Variants in SPTB observed in about 807,000 individuals in gnomAD.
SPTB encodes spectrin beta chain, erythrocytic.
Under a neutral mutation model 256.2 loss-of-function variants are expected in SPTB, and 45 were observed. The ratio of observed to expected loss-of-function variants is 0.18; its 90% CI spans 0.14 to 0.23. The LOEUF is 0.23. Among genes scored for constraint, SPTB ranks in the 10% least tolerant of loss-of-function variants. The probability of loss-of-function intolerance (pLI) is 1.00; values close to 1 mark genes in which losing one functional copy is unlikely to be tolerated. For missense variants in SPTB, 2,715 were observed against 3,040.4 expected (o/e 0.89, Z 2.52); for synonymous variants, 1,231 against 1,243.1 (o/e 0.99, Z 0.21).
intron 1 of SPTB, among the ~76,000 whole-genome samples, chr14:64,839,008 C>G (rs1030940232): frequency 3.3e-5 from 5 of 152,140 alleles, no homozygotes; most frequent in South Asian, 4.1e-4. Flanking sequence ...TGGCGGGTGC[C>G]TGTAATCCTA....
intron 28 of SPTB, 75 bp downstream of exon 28, chr14:64,769,515 T>C: frequency 6.3e-7 from 1 of 1,589,392 alleles, no homozygotes. Context: ...CTCATCTCCC[T>C]CCCAGGAGGC....
intron 33 of SPTB, chr14:64,752,329 G>A (rs1216660828): frequency 1.7e-6 from 2 of 1,162,024 alleles, no homozygotes; most frequent in African/African-American, 3.2e-5. Context: ...TTGAGGGCAG[G>A]AAGGTGGAGA....
chr14:64,834,070 A>C (rs2083486293), intron 1 of SPTB, among the ~76,000 whole-genome samples: 1 of 152,156 alleles, frequency 6.6e-6, no homozygotes, highest in Non-Finnish European at 1.5e-5. Context: ...TCTGTCACCC[A>C]GGCTGGAGTG....
rs1169771049 is a variant in SPTB at position 64,795,768 on chromosome 14, T to C, written c.1342-129A>G. 3 of 983,688 alleles carry C rather than the reference T, an allele frequency of 3.0e-6. No individual in the cohort carries two copies. The highest frequency in any genetic ancestry group is 4.7e-6 in the Non-Finnish European group (3 of 644,054). 60.9% of individuals were successfully genotyped at this position (983,688 alleles called of 1,614,324 possible). A position where few individuals can be genotyped will look rare whatever the true frequency, so the allele number is the denominator to read the frequency against. ...AAGCACATTCCCAAGAAGCAGCTAG[T>C]TCTGCCTTACTTTTGCAGCCTGTCT... On this transcript the variant is annotated intron_variant, in intron 11 of 35. Coordinates refer to ENST00000644917, the MANE Select transcript of SPTB (RefSeq NM_001355436.2). The surrounding 1 kb of genome is among the most constrained non-coding windows in gnomAD (Gnocchi z 6.5).
chr14:64,749,212 G>A lies in SPTB; in HGVS notation c.*94C>T. ...CCCGGCCCGCGACTCGACTCATCTC[G>A]ATTCGACCGGCGGGCGGCGGCGAGA... On this transcript the variant is annotated 3_prime_UTR_variant, in exon 36 of 36. Coordinates refer to ENST00000644917, the MANE Select transcript of SPTB (RefSeq NM_001355436.2). The surrounding 1 kb of genome is among the most constrained non-coding windows in gnomAD (Gnocchi z 4.7). 3 of 1,460,692 alleles carry A rather than the reference G, an allele frequency of 2.1e-6. No homozygotes were observed. The highest frequency in any genetic ancestry group is 2.8e-6 in the Non-Finnish European group (3 of 1,082,698). The allele number at this position is 1,460,692 out of a possible 1,614,324, so 90.5% of individuals were successfully genotyped here. A position where few individuals can be genotyped will look rare whatever the true frequency, so the allele number is the denominator to read the frequency against.
chr14:64,765,041 T>TGTGC (rs570414192), intron 32 of SPTB, among the ~76,000 whole-genome samples: 247 of 116,996 alleles, frequency 2.1e-3, no homozygotes, highest in East Asian at 0.02. Context: ...TGTGTGTGTG[T>TGTGC]GCGCGCGCGC....
In SPTB at chr14:64,800,844, T is replaced by C. The variant is rs2082871110; in HGVS notation, c.788A>G (p.Glu263Gly). 3.1e-6 allele frequency: 5 copies of C among 1,614,050 alleles called. No individual in the cohort carries two copies. Among genetic ancestry groups the C allele is most frequent in the Non-Finnish European group, 4.2e-6 (5 of 1,180,032 alleles). ...CACCACATAGGTGATGATGGATTTC[T>C]CATCAGGGTTTTCCGTAAAGACATC... Reference protein sequence around the residue: ...PEDVFTENPDEKSIITYVVAF... With the variant: ...PEDVFTENPDGKSIITYVVAF... The change falls in exon 8 of 36, where the codon GAG becomes GGG. Residue 263 changes from glutamate (E) to glycine (G), a missense_variant. By Grantham distance (98) the Glu-to-Gly change is moderately conservative (BLOSUM62 -2). This residue lies in a region of SPTB where 416 missense variants were observed against 571.1 expected (regional missense o/e 0.73). Coordinates refer to ENST00000644917, the MANE Select transcript of SPTB (RefSeq NM_001355436.2).
chr14:64,820,547 T>C (rs142192952), intron 2 of SPTB, among the ~76,000 whole-genome samples: 70 of 152,266 alleles, frequency 4.6e-4, no homozygotes, highest in Non-Finnish European at 8.2e-4. Context: ...TACAATTCTA[T>C]GCTCTGTGGC....
chr14:64,800,716 CAG>C (rs2082867421), intron 8 of SPTB, 38 bp downstream of exon 8: 5 of 1,563,750 alleles, frequency 3.2e-6, no homozygotes, highest in African/African-American at 1.4e-5. Context: ...ACCTGACAAA[CAG>C]GGGAAGAGTG....
chr14:64,750,247 A>C, intron 33 of SPTB, 93 bp from the exon 34 acceptor site: 3 of 1,289,052 alleles, frequency 2.3e-6, no homozygotes, highest in Non-Finnish European at 3.2e-6. Context: ...AAATTACACC[A>C]TGTTTGTTCT....
At chr14:64,794,725 A>C in intron 12 of SPTB, 108 bp from the exon 13 acceptor site, 1 of 1,398,158 alleles carries the variant, frequency 7.2e-7, no homozygotes, top group Non-Finnish European at 1.0e-6. Context: ...AGCAAGGGTG[A>C]GCCAAATGCA....
In SPTB at chr14:64,825,043, C is replaced by T. The variant is rs138439302; in HGVS notation, c.-51-1898G>A. 1.8e-3 allele frequency among the ~76,000 whole-genome samples: 277 copies of T among 152,026 alleles called. No homozygotes were observed. Among genetic ancestry groups the T allele is most frequent in the African/African-American group, 5.5e-3 (227 of 41,458 alleles). ...GCGCAGTTTATCCCCCTTGACCAGA[C>T]GGGTTTCAGGAGGGCAGGTGGGGAA... On this transcript the variant is annotated intron_variant, in intron 1 of 35. Transcript: ENST00000644917. The surrounding 1 kb of genome is among the most constrained non-coding windows in gnomAD (Gnocchi z 4.8).
intron 32 of SPTB, chr14:64,754,142 C>T: frequency 2.4e-6 from 1 of 416,782 alleles, no homozygotes; most frequent in South Asian, 2.3e-5. Context: ...GGGCAGGTTC[C>T]AATGCTGCTG....
At chr14:64,856,027 C>T (rs1272448532) in intron 1 of SPTB, among the ~76,000 whole-genome samples, 3 of 152,236 alleles carry the variant, frequency 2.0e-5, no homozygotes, top group African/African-American at 7.2e-5. Flanking sequence ...ATGGCAAGGA[C>T]ACACACAGCC....
chr14:64,799,690 T>C (rs375838340), intron 9 of SPTB, 57 bp downstream of exon 9: 6 of 1,602,086 alleles, frequency 3.7e-6, no homozygotes, highest in Admixed American at 1.7e-5. Context: ...GCTCTACCTT[T>C]TGGTGGTCAG....
At chr14:64,871,321 C>A (rs1356875878) in intron 1 of SPTB, among the ~76,000 whole-genome samples, 1 of 151,958 alleles carries the variant, frequency 6.6e-6, no homozygotes, top group Non-Finnish European at 1.5e-5. Flanking sequence ...AGTGGACAAA[C>A]TTAGTTTAAG....
rs2083196996 is a variant in SPTB, at chr14:64,816,712, C to A, written c.148+6235G>T. Among the ~76,000 whole-genome samples the A allele has an allele frequency of 6.6e-6, 1 of 152,188 alleles. No homozygotes were observed. The highest frequency in any genetic ancestry group is 2.1e-4 in the South Asian group (1 of 4,832). On this transcript the variant is annotated intron_variant, in intron 2 of 35. Coordinates refer to ENST00000644917, the MANE Select transcript of SPTB (RefSeq NM_001355436.2). This position sits in a 1 kb window ranked among gnomAD's most constrained non-coding sequence, Gnocchi z 4.2. The stretch of plus-strand genomic sequence containing the variant: ...AATGCTCCCAGAGACTCGGCTGCTA[C>A]TAGCCTCCTTGTCACTCTGTCTCAG...
chr14:64,816,769 C>T lies in SPTB; in HGVS notation c.148+6178G>A, dbSNP rs2083198178. ...GTTATAAAGGGAAAATGGAAAATTG[C>T]TACAGATGCTCTGAAAACACCACCC... On this transcript the variant is annotated intron_variant, in intron 2 of 35. Transcript: ENST00000644917. This position sits in a 1 kb window ranked among gnomAD's most constrained non-coding sequence, Gnocchi z 4.2. 6.6e-6 allele frequency among the ~76,000 whole-genome samples: 1 copy of T among 152,138 alleles called. No individual in the cohort carries two copies. Among genetic ancestry groups the T allele is most frequent in the African/African-American group, 2.4e-5 (1 of 41,424 alleles).
chr14:64,855,706 T>G (rs2083862282), intron 1 of SPTB, among the ~76,000 whole-genome samples: 1 of 152,142 alleles, frequency 6.6e-6, no homozygotes, highest in Admixed American at 6.5e-5. Flanking sequence ...ACCACAAAAT[T>G]CATGAAAAAT....
Sources: allele counts gnomAD v4.1 joint callset (sites outside exome capture counted in the v4.1 genomes callset), GRCh38; gene constraint gnomAD v4.1.1; regional missense constraint gnomAD v4.1.1; non-coding constraint Gnocchi (gnomAD v3.1); transcripts MANE v1.5; gene names NCBI Gene and HGNC (gene_info 2026-07-23, HGNC 2026-07-21).